TMEM247: variants seen among roughly 807,000 people sequenced by gnomAD.
TMEM247 encodes transmembrane protein ENSP00000343375.
Under a neutral mutation model 20.7 loss-of-function variants are expected in TMEM247, and 23 were observed. The ratio of observed to expected loss-of-function variants is 1.11; its 90% CI spans 0.80 to 1.57. The LOEUF is 1.57. TMEM247 is among the 40% of genes most tolerant of loss of function. The pLI is 0.00. For synonymous variants in TMEM247, 106 were observed against 111.9 expected (o/e 0.95, Z 0.33); for missense variants, 354 against 283.8 (o/e 1.25, Z -1.78).
At chr2:46,479,969 A>C (rs988461875) in intron 1 of TMEM247, among the ~76,000 whole-genome samples, 1 of 152,026 alleles carries the variant, frequency 6.6e-6, no homozygotes, top group Non-Finnish European at 1.5e-5. Context: ...CTGGCTCCCC[A>C]CCATAGCCCT....
intron 1 of TMEM247, 39 bp downstream of exon 1, chr2:46,479,741 C>T (rs773170153): frequency 2.9e-5 from 41 of 1,395,678 alleles, no homozygotes; most frequent in Non-Finnish European, 3.8e-5. Flanking sequence ...CCGCCTATTC[C>T]GTCAGGGGGA....
chr2:46,482,758 A>G (rs757083901), intron 2 of TMEM247, among the ~76,000 whole-genome samples: 7 of 152,190 alleles, frequency 4.6e-5, no homozygotes, highest in African/African-American at 9.7e-5. Flanking sequence ...CTCCACTCCC[A>G]TTAGAACACT....
chr2:46,481,613 G>A (rs550673414), intron 2 of TMEM247, among the ~76,000 whole-genome samples: 23 of 152,336 alleles, frequency 1.5e-4, no homozygotes, highest in African/African-American at 5.1e-4. Flanking sequence ...GAATCAATGA[G>A]AGAACACACG....
At chr2:46,480,453 A>T (rs757833783) in exon 2 of TMEM247, 21 of 1,551,414 alleles carry the variant, frequency 1.4e-5, no homozygotes, top group Non-Finnish European at 1.8e-5. Flanking sequence ...CTTGGAAGAG[A>T]TGGAAGCTTG....
rs1686840781 is a variant in TMEM247, at chr2:46,479,695, C to G, written c.110C>G (p.Ala37Gly). 3 of 1,550,402 alleles carry G rather than the reference C, an allele frequency of 1.9e-6. No homozygotes were observed. The South Asian group carries it at 3.6e-5, about 18-fold the overall frequency. Residue 37 changes from alanine (A) to glycine (G), a missense_variant, in exon 1 of 3, where the codon GCT becomes GGT. Ala to Gly is a moderately conservative substitution (Grantham distance 60, BLOSUM62 0). Transcript: ENST00000434431. ...TCCAAGTCTGAAGGGAAGCCAAGGGCTTATCTGGTAAGGGGGCTGCTGTGT... is the reference window on the plus strand; with the variant it reads ...TCCAAGTCTGAAGGGAAGCCAAGGGGTTATCTGGTAAGGGGGCTGCTGTGT...
exon 1 of TMEM247, chr2:46,479,688 C>T: frequency 6.4e-7 from 1 of 1,551,422 alleles, no homozygotes; most frequent in South Asian, 1.2e-5. Context: ...TGAAGGGAAG[C>T]CAAGGGCTTA....
Position 46,480,775 on chromosome 2 carries a change from A to T in TMEM247, c.477+11A>T. The T allele has an allele frequency of 6.5e-7, 1 of 1,539,266 alleles. No homozygotes were observed. The highest frequency in any genetic ancestry group is 1.4e-5 in the African/African-American group (1 of 73,054). ...GCGGCGCCCCGCCTGGTGGGTGACA[A>T]GGAACGGGGCACTGGGAGGAGGGAG... On this transcript the variant is annotated intron_variant, in intron 2 of 2. Transcript: ENST00000434431.
rs1009993373 is a variant in TMEM247, at chr2:46,480,543, G to A, written c.256G>A (p.Gly86Arg). 46 of 1,551,640 alleles carry A rather than the reference G, an allele frequency of 3.0e-5. 1 individual carries two copies. The highest frequency in any genetic ancestry group is 5.9e-5 in the Admixed American group (3 of 50,994). The change falls in exon 2 of 3, where the codon GGA becomes AGA. Residue 86 changes from glycine (G) to arginine (R), a missense_variant. Coordinates refer to ENST00000434431, the Ensembl canonical transcript of TMEM247. Reference sequence around the variant, plus strand: ...TGCTACCAAAGGCCAGGCTGGCGACGGACCCAAACCCGCAGAGCTGCCCCC... The same window carrying A: ...TGCTACCAAAGGCCAGGCTGGCGACAGACCCAAACCCGCAGAGCTGCCCCC...
At chr2:46,480,568 C>G in exon 2 of TMEM247, 1 of 1,551,664 alleles carries the variant, frequency 6.4e-7, no homozygotes, top group East Asian at 2.4e-5. Context: ...GAGCTGCCCC[C>G]GACCCCTGGG....
intron 1 of TMEM247, 56 bp downstream of exon 1, chr2:46,479,758 A>G (rs1053314347): frequency 1.6e-5 from 20 of 1,252,296 alleles, no homozygotes; most frequent in Non-Finnish European, 2.1e-5. Flanking sequence ...GGGAGCAAGA[A>G]TACTGTAGGA....
intron 2 of TMEM247, among the ~76,000 whole-genome samples, chr2:46,483,484 G>C (rs1008066190): frequency 6.6e-6 from 1 of 152,208 alleles, no homozygotes; most frequent in African/African-American, 2.4e-5. Flanking sequence ...TCATTTATAT[G>C]CAAGGGACAC....
chr2:46,483,510 C>A (rs1686928490), intron 2 of TMEM247, among the ~76,000 whole-genome samples: 1 of 152,238 alleles, frequency 6.6e-6, no homozygotes, highest in Admixed American at 6.5e-5. Flanking sequence ...CATTGGGCCA[C>A]TGTCCAGGAA....
chr2:46,483,309 C>A (rs976652446), intron 2 of TMEM247, among the ~76,000 whole-genome samples: 1 of 152,148 alleles, frequency 6.6e-6, no homozygotes, highest in Non-Finnish European at 1.5e-5. Context: ...ACAGAATTAG[C>A]CAGACAACTC....
At chr2:46,483,437 A>G (rs17035175) in intron 2 of TMEM247, among the ~76,000 whole-genome samples, 428 of 152,264 alleles carry the variant, frequency 2.8e-3, no homozygotes, top group African/African-American at 9.6e-3. Flanking sequence ...GGGCTGACCC[A>G]CGTGATATGT....
At chr2:46,482,684 G>T (rs1686912629) in intron 2 of TMEM247, among the ~76,000 whole-genome samples, 1 of 152,100 alleles carries the variant, frequency 6.6e-6, no homozygotes, top group South Asian at 2.1e-4. Flanking sequence ...CTGCAGACAG[G>T]TGGCAAAGTC....
At chr2:46,480,484 G>A (rs1231204760) in exon 2 of TMEM247, 4 of 1,551,676 alleles carry the variant, frequency 2.6e-6, no homozygotes, top group Admixed American at 2.0e-5. Flanking sequence ...GGCTGCCAAG[G>A]GCCGCTTAAA....
chr2:46,480,911 C>A, intron 2 of TMEM247, 147 bp downstream of exon 2: 3 of 1,170,090 alleles, frequency 2.6e-6, no homozygotes, highest in South Asian at 1.6e-5. Context: ...TGAGCATCCA[C>A]TCGGGCGGTC....
At chr2:46,480,859 G>T in intron 2 of TMEM247, 95 bp downstream of exon 2, 1 of 1,415,388 alleles carries the variant, frequency 7.1e-7, no homozygotes, top group Non-Finnish European at 9.3e-7. Context: ...TGCTTTGCGC[G>T]GCACCCCACC....
At chr2:46,482,290 T>G (rs191565490) in intron 2 of TMEM247, among the ~76,000 whole-genome samples, 44 of 152,350 alleles carry the variant, frequency 2.9e-4, no homozygotes, top group African/African-American at 1.0e-3. Flanking sequence ...TGCCTATTGC[T>G]TAGACTTTAG....
Sources: gnomAD v4.1 joint callset for allele counts (sites outside exome capture counted in the v4.1 genomes callset) on GRCh38, gnomAD v4.1.1 for gene constraint, MANE v1.5 for transcripts, NCBI Gene and HGNC (gene_info 2026-07-23, HGNC 2026-07-21) for gene names.